The following LNX2 variants were observed in gnomAD, a reference collection of about 807,000 sequenced individuals.
LNX2 encodes ligand of numb-protein X 2, also known as ligand of Numb protein X 2.
LNX2 carries 35 observed loss-of-function variants against 66.2 expected under a neutral mutation model. The ratio of observed to expected loss-of-function variants is 0.53; its 90% CI spans 0.40 to 0.70. LNX2 has a LOEUF of 0.70. Ranked by LOEUF, LNX2 falls within the 30% of genes least tolerant of loss-of-function variation. The pLI, the probability that LNX2 is intolerant of heterozygous loss-of-function variation, is 0.00. For missense variants in LNX2, 791 were observed against 850.8 expected, an observed-to-expected ratio of 0.93 and a Z score of 0.87; for synonymous variants, 337 against 315.6, an observed-to-expected ratio of 1.07 and a Z score of -0.72.
intron 1 of LNX2, among the ~76,000 whole-genome samples, chr13:27,583,256 GC>G (rs1955439676): frequency 2.1e-5 from 1 of 46,532 alleles, no homozygotes; most frequent in African/African-American, 8.8e-5. Context: ...GTGTGTGTGT[GC>G]GCGCGTCCTC....
rs968997272 is a variant in LNX2 at position 27,559,766 on chromosome 13, A to T, written c.1368+76T>A. 3 of 1,385,856 alleles carry T rather than the reference A, an allele frequency of 2.2e-6. No individual in the cohort carries two copies. The African/African-American group carries it at 4.4e-5, about 20-fold the overall frequency. 85.8% of individuals were successfully genotyped at this position (1,385,856 alleles called of 1,614,324 possible). ...ATTGAGGTGTGACTGACACACAAAA[A>T]AACCTTCATTTAAATCTTACCAGCT... On this transcript the variant is annotated intron_variant, in intron 6 of 9. Transcript: ENST00000316334.
chr13:27,553,510 A>G (rs1262122897), intron 7 of LNX2, 71 bp from the exon 8 acceptor site: 3 of 1,168,394 alleles, frequency 2.6e-6, no homozygotes, highest in Non-Finnish European at 3.8e-6. Flanking sequence ...TGTTGTTTAT[A>G]AACTAAGCAA....
At chr13:27,556,138 C>CATGTTTA in intron 7 of LNX2, 98 bp downstream of exon 7, 1 of 1,182,256 alleles carries the variant, frequency 8.5e-7, no homozygotes, top group Non-Finnish European at 1.2e-6. Flanking sequence ...TTAAAAAAGT[C>CATGTTTA]ATGTTTAATA....
chr13:27,559,988 G>T lies in LNX2; in HGVS notation c.1225-3C>A. On this transcript the variant is annotated splice_polypyrimidine_tract_variant and splice_region_variant and intron_variant, in intron 5 of 9. Transcript: ENST00000316334. ...AAATTCACTCTCTCTCCACTGGCCT[G>T]GAGAAAACACAAATACATTACCATA... is the stretch of plus-strand genomic sequence containing the variant. The T allele has an allele frequency of 1.3e-6, 2 of 1,592,560 alleles. No individual in the cohort carries two copies. The highest frequency in any genetic ancestry group is 1.4e-5 in the African/African-American group (1 of 73,764).
chr13:27,581,163 G>C, intron 2 of LNX2, 134 bp downstream of exon 2: 1 of 569,652 alleles, frequency 1.8e-6, no homozygotes, highest in South Asian at 4.1e-5. Context: ...CTTATTTATT[G>C]TATCTCTTCT....
chr13:27,562,586 G>A lies in LNX2; in HGVS notation c.1051C>T (p.Leu351Phe). ...GTCCTTCGCACCAATTTAATGCCAA[G>A]CTGTTCACCAGAGTCCCGTTTATGA... The part of the protein sequence containing the change: ...ALHKRDSGEQ[L>F]GIKLVRRTDE... The change falls in exon 5 of 10, where the codon CTT (leucine) becomes TTT (phenylalanine). Residue 351 changes from leucine to phenylalanine, a missense_variant. Leu to Phe is a conservative substitution (Grantham distance 22, BLOSUM62 0). Transcript: ENST00000316334. The A allele has an allele frequency of 1.2e-6, 2 of 1,614,128 alleles. No homozygotes were observed. Among genetic ancestry groups the A allele is most frequent in the Non-Finnish European group, 1.7e-6 (2 of 1,180,026 alleles).
chr13:27,566,981 T>C (rs758421225), intron 4 of LNX2, among the ~76,000 whole-genome samples: 4 of 152,174 alleles, frequency 2.6e-5, no homozygotes, highest in Non-Finnish European at 5.9e-5. Context: ...TAATAAAATA[T>C]CTTGTCCCAT....
intron 1 of LNX2, among the ~76,000 whole-genome samples, chr13:27,587,934 T>C (rs1332343535): frequency 6.9e-6 from 1 of 145,000 alleles, no homozygotes; most frequent in Non-Finnish European, 1.5e-5. Context: ...GGCAGAAGAA[T>C]GGCGTGAGCC....
intron 1 of LNX2, among the ~76,000 whole-genome samples, chr13:27,590,378 G>A (rs981253238): frequency 2.0e-5 from 3 of 151,960 alleles, no homozygotes; most frequent in South Asian, 2.1e-4. Context: ...GCCACCATGC[G>A]TGGCTAATTT....
intron 2 of LNX2, among the ~76,000 whole-genome samples, chr13:27,579,004 T>C (rs764351729): frequency 2.6e-5 from 4 of 152,228 alleles, no homozygotes; most frequent in Non-Finnish European, 4.4e-5. Flanking sequence ...ATGAGATGAC[T>C]GTCAACTTTG....
At chr13:27,571,306 C>A (rs1401992824) in intron 2 of LNX2, among the ~76,000 whole-genome samples, 1 of 152,110 alleles carries the variant, frequency 6.6e-6, no homozygotes, top group African/African-American at 2.4e-5. Context: ...AAAATAAGGA[C>A]CAAAAAGTGT....
Position 27,562,695 on chromosome 13 carries a change from C to T in LNX2, c.942G>A (p.Val314=), listed in dbSNP as rs769723889. The T allele has an allele frequency of 5.0e-6, 8 of 1,614,134 alleles. No homozygotes were observed. The highest frequency in any genetic ancestry group is 1.7e-5 in the Admixed American group (1 of 60,014). The change falls in exon 5 of 10, where the codon GTG becomes GTA. Residue 314 remains valine (V), a synonymous_variant. Transcript: ENST00000316334. The part of the protein sequence containing the change: ...SQPCNTLHLT[V]LRERRFGNRA... The stretch of plus-strand genomic sequence containing the variant: ...GGTTGCCAAAGCGCCTCTCTCGAAG[C>T]ACAGTAAGATGCAGTGTGTTGCAGG...
At chr13:27,560,565 G>GTATATCTA (rs1555267010) in intron 5 of LNX2, among the ~76,000 whole-genome samples, 2 of 119,970 alleles carry the variant, frequency 1.7e-5, no homozygotes, top group African/African-American at 6.7e-5. Flanking sequence ...ATGTATGTGT[G>GTATATCTA]TATATATATA....
At chr13:27,616,294 T>C (rs1955826103) in intron 1 of LNX2, among the ~76,000 whole-genome samples, 1 of 152,150 alleles carries the variant, frequency 6.6e-6, no homozygotes, top group Admixed American at 6.5e-5. Context: ...CAGAAAGGAA[T>C]GTCTGGGTTA....
chr13:27,581,293 T>C lies in LNX2; in HGVS notation c.407+4A>G. 6.8e-7 allele frequency: 1 copy of C among 1,469,300 alleles called. No homozygotes were observed. Among genetic ancestry groups the C allele is most frequent in the Non-Finnish European group, 9.0e-7 (1 of 1,107,418 alleles). The allele number at this position is 1,469,300 out of a possible 1,614,324, so 91.0% of individuals were successfully genotyped here. ...GAGTTACTTCTTTTATATTTTTTGC[T>C]TACCTGTTTTTGAGATGTGCCTCCA... On this transcript the variant is annotated splice_donor_region_variant and intron_variant, in intron 2 of 9. Transcript: ENST00000316334.
intron 2 of LNX2, among the ~76,000 whole-genome samples, chr13:27,579,420 A>T (rs1955375113): frequency 6.6e-6 from 1 of 152,196 alleles, no homozygotes; most frequent in South Asian, 2.1e-4. Flanking sequence ...CAGGCCTAAG[A>T]TACTTTAGAA....
intron 2 of LNX2, among the ~76,000 whole-genome samples, chr13:27,579,274 A>C (rs758949534): frequency 6.6e-6 from 1 of 152,252 alleles, no homozygotes; most frequent in Non-Finnish European, 1.5e-5. Flanking sequence ...CTATCTGTTC[A>C]AATGGCATAT....
intron 1 of LNX2, among the ~76,000 whole-genome samples, chr13:27,606,378 GAA>G (rs61005685): frequency 8.5e-6 from 1 of 118,152 alleles, no homozygotes; most frequent in African/African-American, 3.4e-5. Context: ...GATTTATAGC[GAA>G]AAAAAAAAAA....
chr13:27,620,443 T>A lies in LNX2; in HGVS notation c.-169A>T, dbSNP rs1367779898. ...CGCTGCTCGGCACCAGCTCCCGCTC[T>A]CCGCGGCCCGCTGAGGGAGCGGAGA... On this transcript the variant is annotated 5_prime_UTR_variant, in exon 1 of 10. Coordinates refer to ENST00000316334, the MANE Select transcript of LNX2 (RefSeq NM_153371.4). 1 of 155,224 alleles carries A rather than the reference T, an allele frequency of 6.4e-6. No individual in the cohort carries two copies. The highest frequency in any genetic ancestry group is 1.4e-5 in the Non-Finnish European group (1 of 70,024). 9.6% of individuals were successfully genotyped at this position (155,224 alleles called of 1,614,324 possible). A position where few individuals can be genotyped will look rare whatever the true frequency, so the allele number is the denominator to read the frequency against.
Sources: allele counts gnomAD v4.1 joint callset (sites outside exome capture counted in the v4.1 genomes callset), GRCh38; gene constraint gnomAD v4.1.1; transcripts MANE v1.5; gene names NCBI Gene and HGNC (gene_info 2026-07-23, HGNC 2026-07-21).